WHAMM: variants seen among roughly 807,000 people sequenced by gnomAD.
The protein encoded by WHAMM is WASP homolog associated with actin, golgi membranes and microtubules.
WHAMM carries 67 observed loss-of-function variants against 76.5 expected under a neutral mutation model. The observed-to-expected ratio is 0.88, with a 90% CI of 0.72 to 1.07. WHAMM has a LOEUF of 1.07. WHAMM is among the 50% of genes least tolerant of loss of function. The pLI is 0.00. For missense variants in WHAMM, 1,021 were observed against 1,051.1 expected, an observed-to-expected ratio of 0.97 and a Z score of 0.40; for synonymous variants, 419 against 422.1, an observed-to-expected ratio of 0.99 and a Z score of 0.09.
intron 1 of WHAMM, 74 bp from the exon 2 acceptor site, chr15:82,813,029 T>C: frequency 8.7e-7 from 1 of 1,150,096 alleles, no homozygotes; most frequent in Non-Finnish European, 1.1e-6. Context: ...AGGTTTCTTT[T>C]GTTTAGTTTT....
intron 5 of WHAMM, among the ~76,000 whole-genome samples, chr15:82,820,248 CTT>C (rs1037371134): frequency 6.6e-6 from 1 of 152,056 alleles, no homozygotes; most frequent in African/African-American, 2.4e-5. Context: ...ATAATAGTCT[CTT>C]TTTCATTTAA....
intron 3 of WHAMM, 116 bp from the exon 4 acceptor site, chr15:82,817,804 C>A (rs1327977415): frequency 7.5e-6 from 6 of 796,888 alleles, no homozygotes; most frequent in African/African-American, 1.8e-5. Context: ...AATAAAATTT[C>A]TTTTAAAAAG....
intron 8 of WHAMM, 145 bp downstream of exon 8, chr15:82,826,991 A>G: frequency 1.0e-6 from 1 of 969,796 alleles, no homozygotes; most frequent in South Asian, 2.0e-5. Flanking sequence ...TGGTATATCA[A>G]TAAAAAACAA....
At chr15:82,825,778 A>G (rs2050920202) in intron 6 of WHAMM, among the ~76,000 whole-genome samples, 1 of 151,810 alleles carries the variant, frequency 6.6e-6, no homozygotes, top group Non-Finnish European at 1.5e-5. Flanking sequence ...ACAAGAGCGA[A>G]ACTCAGTCTC....
In WHAMM at chr15:82,820,828, G is replaced by C. The variant is rs576809285; in HGVS notation, c.1270+1340G>C. Among the ~76,000 whole-genome samples the C allele has an allele frequency of 4.0e-5, 6 of 150,618 alleles. No individual in the cohort carries two copies. The East Asian group carries it at 1.2e-3, about 29-fold the overall frequency. ...GAGAATCGCTTGAACCTGGGAGGTG[G>C]AGATTGCAGTGAGCCGAGATGGTGC... On this transcript the variant is annotated intron_variant, in intron 5 of 9. Coordinates refer to ENST00000286760, the MANE Select transcript of WHAMM (RefSeq NM_001080435.3).
chr15:82,825,534 T>C (rs554350455), intron 6 of WHAMM, among the ~76,000 whole-genome samples: 5 of 152,306 alleles, frequency 3.3e-5, no homozygotes, highest in Admixed American at 1.3e-4. Flanking sequence ...TGAGGTGAGC[T>C]ATCAACTTGG....
At chr15:82,812,978 A>G in intron 1 of WHAMM, 125 bp from the exon 2 acceptor site, 2 of 674,954 alleles carry the variant, frequency 3.0e-6, no homozygotes, top group Non-Finnish European at 4.6e-6. Flanking sequence ...TTCATATTTA[A>G]TCAGTATTTA....
chr15:82,814,903 G>T (rs1321029696), intron 2 of WHAMM, among the ~76,000 whole-genome samples: 1 of 148,662 alleles, frequency 6.7e-6, no homozygotes, highest in Non-Finnish European at 1.5e-5. Flanking sequence ...CCGAGTAGCT[G>T]GGACTACAGG....
chr15:82,813,049 G>T, intron 1 of WHAMM, 54 bp from the exon 2 acceptor site: 11 of 1,308,378 alleles, frequency 8.4e-6, no homozygotes, highest in South Asian at 2.2e-5. Context: ...TGTTTGTTGG[G>T]TATGTATTAA....
rs1198612589 is a variant in WHAMM at position 82,835,313 on chromosome 15, G to C, written c.*1777G>C. ...AGCTAATTTTTATATTTTTAGTAGA[G>C]ATGGGGTTTCACCATGTTGGCAGGA... is the stretch of plus-strand genomic sequence containing the variant. On this transcript the variant is annotated 3_prime_UTR_variant, in exon 10 of 10. Coordinates refer to ENST00000286760, the MANE Select transcript of WHAMM (RefSeq NM_001080435.3). The C allele has an allele frequency of 6.6e-6, 1 of 152,344 alleles. No individual in the cohort carries two copies. The highest frequency in any genetic ancestry group is 2.4e-5 in the African/African-American group (1 of 41,428). 9.4% of individuals were successfully genotyped at this position (152,344 alleles called of 1,614,324 possible).
intron 8 of WHAMM, among the ~76,000 whole-genome samples, chr15:82,829,502 A>C (rs2050992038): frequency 6.6e-6 from 1 of 152,230 alleles, no homozygotes; most frequent in Admixed American, 6.5e-5. Flanking sequence ...TTCTGCTGGC[A>C]TGGTCTCTGA....
At position 82,810,494 on chromosome 15, in the gene WHAMM, C is replaced by A. The variant is rs893569876; in HGVS notation, c.609+159C>A. 3 of 985,410 alleles carry A rather than the reference C, an allele frequency of 3.0e-6. No individual in the cohort carries two copies. In the Admixed American group the frequency reaches 1.8e-4, roughly 60 times the overall value. The allele number at this position is 985,410 out of a possible 1,614,324, so 61.0% of individuals were successfully genotyped here. On this transcript the variant is annotated intron_variant, in intron 1 of 9. Coordinates refer to ENST00000286760, the MANE Select transcript of WHAMM (RefSeq NM_001080435.3). ...CCCCAGTGCCGTCACCTGCGCGGGA[C>A]CGCTGCGGGAAACCGGCGGGAGCTG...
chr15:82,810,336 G>A lies in WHAMM; in HGVS notation c.609+1G>A. 4 of 1,310,620 alleles carry A rather than the reference G, an allele frequency of 3.1e-6. No individual in the cohort carries two copies. Among genetic ancestry groups the A allele is most frequent in the Non-Finnish European group, 3.9e-6 (4 of 1,035,344 alleles). 81.2% of individuals were successfully genotyped at this position (1,310,620 alleles called of 1,614,324 possible). The stretch of plus-strand genomic sequence containing the variant: ...CGAGGCGGACGCGCGGCTGCGCCAG[G>A]TAAGCGAGGCCCGGTCGCCGGCGTT... On this transcript the variant is annotated splice_donor_variant, in intron 1 of 9. Coordinates refer to ENST00000286760, the MANE Select transcript of WHAMM (RefSeq NM_001080435.3). LOFTEE classifies it high-confidence loss of function.
rs1332209341 is a variant in WHAMM at position 82,835,857 on chromosome 15, C to A, written c.*2321C>A. 1.3e-5 allele frequency: 2 copies of A among 152,272 alleles called. No individual in the cohort carries two copies. The highest frequency in any genetic ancestry group is 4.8e-5 in the African/African-American group (2 of 41,468). The allele number at this position is 152,272 out of a possible 1,614,324, so 9.4% of individuals were successfully genotyped here. A position where few individuals can be genotyped will look rare whatever the true frequency, so the allele number is the denominator to read the frequency against. ...ACAGGCCAGGCTCAGCATCAAACTT[C>A]CTAGGGAAAGAATTTGGAATTGAAA... is the stretch of plus-strand genomic sequence containing the variant. On this transcript the variant is annotated 3_prime_UTR_variant, in exon 10 of 10. Coordinates refer to ENST00000286760, the MANE Select transcript of WHAMM (RefSeq NM_001080435.3).
Position 82,816,679 on chromosome 15 carries a change from C to T in WHAMM, c.784-13C>T, listed in dbSNP as rs752466131. On this transcript the variant is annotated splice_polypyrimidine_tract_variant and intron_variant, in intron 2 of 9. Coordinates refer to ENST00000286760, the MANE Select transcript of WHAMM (RefSeq NM_001080435.3). ...TTAGCTCTTACTAAGAAAATTTTCC[C>T]TTCTGTCTGTAGAAGTCTTTGGATG... is the stretch of plus-strand genomic sequence containing the variant. 2.0e-6 allele frequency: 3 copies of T among 1,532,896 alleles called. No individual in the cohort carries two copies. Among genetic ancestry groups the T allele is most frequent in the East Asian group, 4.9e-5 (2 of 41,228 alleles). The allele number at this position is 1,532,896 out of a possible 1,614,324, so 95.0% of individuals were successfully genotyped here.
chr15:82,819,610 G>A, intron 5 of WHAMM, 122 bp downstream of exon 5: 2 of 500,594 alleles, frequency 4.0e-6, no homozygotes, highest in Non-Finnish European at 6.6e-6. Context: ...TTCCTTCAGT[G>A]GTTTATTATT....
chr15:82,810,077 CG>C lies in WHAMM; in HGVS notation c.355del (p.Ala119ProfsTer97). The part of the protein sequence containing the change: ...LPPELDVGGG[G>X]AWGLGLGLWA... ...CGCCGGAGCTGGACGTGGGCGGCGG[CG>C]GGGCCTGGGGTCTGGGGCTCGGGCT... On this transcript the variant is annotated frameshift_variant, in exon 1 of 10. Transcript: ENST00000286760. LOFTEE classifies it high-confidence loss of function. 1 of 1,215,306 alleles carries C rather than the reference CG, an allele frequency of 8.2e-7. No homozygotes were observed. The highest frequency in any genetic ancestry group is 1.0e-6 in the Non-Finnish European group (1 of 980,308). The allele number at this position is 1,215,306 out of a possible 1,614,324, so 75.3% of individuals were successfully genotyped here.
In WHAMM at chr15:82,810,276, G is replaced by T; in HGVS notation, c.550G>T (p.Glu184Ter). The T allele has an allele frequency of 7.3e-7, 1 of 1,372,030 alleles. No homozygotes were observed. The highest frequency in any genetic ancestry group is 1.7e-5 in the South Asian group (1 of 60,078). 85.0% of individuals were successfully genotyped at this position (1,372,030 alleles called of 1,614,324 possible). ...GGAADCESPR[E>*]FRERALRARW... ...CGCGGCCGACTGCGAAAGCCCGCGCGAGTTCCGGGAGCGGGCCTTGCGCGC... is the reference window on the plus strand; with the variant it reads ...CGCGGCCGACTGCGAAAGCCCGCGCTAGTTCCGGGAGCGGGCCTTGCGCGC... The change falls in exon 1 of 10, where the codon GAG (glutamate) becomes TAG (stop). Residue 184 changes from glutamate to a stop codon, truncating the protein, a stop_gained. Coordinates refer to ENST00000286760, the MANE Select transcript of WHAMM (RefSeq NM_001080435.3). LOFTEE classifies it high-confidence loss of function.
chr15:82,832,202 G>C (rs1270981594), intron 9 of WHAMM, among the ~76,000 whole-genome samples: 3 of 152,226 alleles, frequency 2.0e-5, no homozygotes, highest in East Asian at 3.8e-4. Flanking sequence ...CACAAATGCT[G>C]CTAATTCACA....
Sources: allele counts gnomAD v4.1 joint callset (sites outside exome capture counted in the v4.1 genomes callset), GRCh38; gene constraint gnomAD v4.1.1; transcripts MANE v1.5; gene names NCBI Gene and HGNC (gene_info 2026-07-23, HGNC 2026-07-21).